ZFYVE9: variants seen among roughly 807,000 people sequenced by gnomAD.
ZFYVE9 encodes the protein zinc finger FYVE domain-containing protein 9.
A neutral mutation model predicts 126.7 loss-of-function variants in ZFYVE9; 43 were observed. The observed-to-expected ratio is 0.34, with a 90% CI of 0.27 to 0.44. The LOEUF is 0.44. Among genes scored for constraint, ZFYVE9 ranks in the 20% least tolerant of loss-of-function variants. The pLI is 1.00. For synonymous variants in ZFYVE9, 521 were observed against 597.4 expected, an observed-to-expected ratio of 0.87 and a Z score of 1.87; for missense variants, 1,476 against 1,697.0, an observed-to-expected ratio of 0.87 and a Z score of 2.29.
intron 10 of ZFYVE9, among the ~76,000 whole-genome samples, chr1:52,283,263 GT>G (rs1645822289): frequency 6.6e-6 from 1 of 152,320 alleles, no homozygotes; most frequent in Non-Finnish European, 1.5e-5. Context: ...GTAGATTCAT[GT>G]GGGTTTTGAG....
At chr1:52,314,774 TG>T (rs1002136902) in intron 13 of ZFYVE9, among the ~76,000 whole-genome samples, 4 of 151,524 alleles carry the variant, frequency 2.6e-5, no homozygotes, top group Admixed American at 2.6e-4. Flanking sequence ...ATTGCACCAC[TG>T]CACTCCAACT....
intron 13 of ZFYVE9, among the ~76,000 whole-genome samples, chr1:52,311,422 G>A (rs1451243173): frequency 1.3e-5 from 2 of 151,944 alleles, no homozygotes; most frequent in Non-Finnish European, 2.9e-5. Flanking sequence ...GCACCACCAC[G>A]CCCAGCTAAT....
Position 52,281,740 on chromosome 1 carries a change from G to T in ZFYVE9, c.2949G>T (p.Gln983His). 6.2e-7 allele frequency: 1 copy of T among 1,614,190 alleles called. No individual in the cohort carries two copies. The highest frequency in any genetic ancestry group is 8.5e-7 in the Non-Finnish European group (1 of 1,180,034). ...VGQSEIVILL[Q>H]CLPDEKCLPK... ...AGTCTGAGATAGTCATTCTTCTACAGTGTTTACCGGATGAAAAGTGTTTGC... is the reference window on the plus strand; with the variant it reads ...AGTCTGAGATAGTCATTCTTCTACATTGTTTACCGGATGAAAAGTGTTTGC... The change falls in exon 10 of 19, where the codon CAG becomes CAT. Residue 983 changes from glutamine (Q) to histidine (H), a missense_variant. Coordinates refer to ENST00000287727, the MANE Select transcript of ZFYVE9 (RefSeq NM_004799.4).
intron 6 of ZFYVE9, 144 bp from the exon 7 acceptor site, chr1:52,268,319 C>T: frequency 2.7e-6 from 2 of 741,100 alleles, no homozygotes; most frequent in South Asian, 2.2e-5. Flanking sequence ...CTTTTATATA[C>T]AGTTACATTT....
rs368140049 is a variant in ZFYVE9 at position 52,225,972 on chromosome 1, G to A, written c.-36-7199G>A. 2.6e-5 allele frequency among the ~76,000 whole-genome samples: 4 copies of A among 152,272 alleles called. No individual in the cohort carries two copies. In the East Asian group the frequency reaches 7.7e-4, roughly 29 times the overall value. ...CAGCTCTCTCTATTGAGAGAGACGGGTCTTCCGAGGGAAAAGACTGGCAGG... is the reference window on the plus strand; with the variant it reads ...CAGCTCTCTCTATTGAGAGAGACGGATCTTCCGAGGGAAAAGACTGGCAGG... On this transcript the variant is annotated intron_variant, in intron 2 of 18. Transcript: ENST00000287727.
chr1:52,174,560 G>A (rs2124529365), intron 1 of ZFYVE9, among the ~76,000 whole-genome samples: 1 of 150,808 alleles, frequency 6.6e-6, no homozygotes, highest in Admixed American at 6.6e-5. Context: ...GGGTATCCTT[G>A]TTAACTTTCT....
At chr1:52,215,569 T>G (rs1645064440) in intron 1 of ZFYVE9, among the ~76,000 whole-genome samples, 1 of 152,208 alleles carries the variant, frequency 6.6e-6, no homozygotes, top group South Asian at 2.1e-4. Flanking sequence ...GATACTTACG[T>G]GTTCTGAAAA....
intron 4 of ZFYVE9, among the ~76,000 whole-genome samples, chr1:52,242,232 A>C (rs1645342011): frequency 6.6e-6 from 1 of 151,984 alleles, no homozygotes. Context: ...GGGTTTCACC[A>C]TGTTGGCCAG....
intron 1 of ZFYVE9, among the ~76,000 whole-genome samples, chr1:52,163,215 A>G (rs1644479687): frequency 6.6e-6 from 1 of 152,134 alleles, no homozygotes; most frequent in Non-Finnish European, 1.5e-5. Flanking sequence ...AATACTTTCC[A>G]TTAGCCTTCT....
At chr1:52,154,987 C>A (rs114696434) in intron 1 of ZFYVE9, among the ~76,000 whole-genome samples, 92 of 152,218 alleles carry the variant, frequency 6.0e-4, no homozygotes, top group African/African-American at 2.1e-3. Flanking sequence ...TGGTGAGTGC[C>A]AGGGAAGTCT....
intron 1 of ZFYVE9, among the ~76,000 whole-genome samples, chr1:52,191,548 T>C (rs937039918): frequency 1.3e-5 from 2 of 152,232 alleles, no homozygotes; most frequent in African/African-American, 4.8e-5. Context: ...ATGAAGTATT[T>C]CTGCATTGTC....
chr1:52,346,309 G>A lies in ZFYVE9; in HGVS notation c.*88G>A, dbSNP rs1646483410. 1 of 1,331,932 alleles carries A rather than the reference G, an allele frequency of 7.5e-7. No individual in the cohort carries two copies. Among genetic ancestry groups the A allele is most frequent in the Non-Finnish European group, 1.0e-6 (1 of 996,556 alleles). The allele number at this position is 1,331,932 out of a possible 1,614,324, so 82.5% of individuals were successfully genotyped here. The stretch of plus-strand genomic sequence containing the variant: ...TTGCACTTTAAAACTGGAAGATTAA[G>A]CTTTTGTTAACACTATTAATGGGGT... On this transcript the variant is annotated 3_prime_UTR_variant, in exon 19 of 19. Coordinates refer to ENST00000287727, the MANE Select transcript of ZFYVE9 (RefSeq NM_004799.4).
chr1:52,297,614 CA>C (rs1645990250), intron 12 of ZFYVE9, among the ~76,000 whole-genome samples: 1 of 152,122 alleles, frequency 6.6e-6, no homozygotes, highest in Non-Finnish European at 1.5e-5. Context: ...GCCACTTATA[CA>C]GCTTTTCGGT....
intron 1 of ZFYVE9, among the ~76,000 whole-genome samples, chr1:52,157,374 T>A (rs1160478832): frequency 6.7e-6 from 1 of 150,084 alleles, no homozygotes; most frequent in Non-Finnish European, 1.5e-5. Flanking sequence ...TCTGTTTTTT[T>A]CCTTATGGCA....
intron 13 of ZFYVE9, among the ~76,000 whole-genome samples, chr1:52,327,331 C>T (rs891465661): frequency 2.0e-5 from 3 of 151,778 alleles, no homozygotes; most frequent in East Asian, 2.0e-4. Flanking sequence ...TGGCCAGGCG[C>T]GGTGGCTCAC....
At chr1:52,243,117 T>C (rs961397770) in intron 4 of ZFYVE9, among the ~76,000 whole-genome samples, 1 of 152,178 alleles carries the variant, frequency 6.6e-6, no homozygotes, top group Non-Finnish European at 1.5e-5. Context: ...AATGAGTGAG[T>C]AAATGAGTCT....
intron 1 of ZFYVE9, among the ~76,000 whole-genome samples, chr1:52,188,669 T>A (rs1360395622): frequency 1.3e-5 from 2 of 152,178 alleles, no homozygotes; most frequent in African/African-American, 2.4e-5. Context: ...TTCTATCTTA[T>A]AATTGAAGAT....
At chr1:52,181,382 G>C (rs1299423159) in intron 1 of ZFYVE9, among the ~76,000 whole-genome samples, 1 of 152,236 alleles carries the variant, frequency 6.6e-6, no homozygotes, top group African/African-American at 2.4e-5. Flanking sequence ...GGTTCACTCA[G>C]TGCTCAATGG....
At chr1:52,189,989 T>C (rs1022223460) in intron 1 of ZFYVE9, 3 of 153,116 alleles carry the variant, frequency 2.0e-5, no homozygotes, top group African/African-American at 7.2e-5. Flanking sequence ...CCAAGAAAAT[T>C]TGAATTTTGA....
Sources: allele counts gnomAD v4.1 joint callset (sites outside exome capture counted in the v4.1 genomes callset), GRCh38; gene constraint gnomAD v4.1.1; transcripts MANE v1.5; gene names NCBI Gene and HGNC (gene_info 2026-07-23, HGNC 2026-07-21).